Variants in THSD7B observed in about 807,000 individuals in gnomAD.
The protein encoded by THSD7B is thrombospondin type 1 domain containing 7B, also known as thrombospondin type-1 domain-containing protein 7B.
Under a neutral mutation model 213.6 loss-of-function variants are expected in THSD7B, and 138 were observed. The ratio of observed to expected loss-of-function variants is 0.65; its 90% CI spans 0.56 to 0.74. THSD7B has a LOEUF of 0.74. THSD7B is among the 30% of genes least tolerant of loss of function. The pLI, the probability that THSD7B is intolerant of heterozygous loss-of-function variation, is 0.00. For missense variants in THSD7B, 1,931 were observed against 1,991.5 expected (o/e 0.97, Z 0.58); for synonymous variants, 742 against 687.0 (o/e 1.08, Z -1.25).
At chr2:136,766,524 C>G (rs1010713823) in intron 1 of THSD7B, among the ~76,000 whole-genome samples, 22 of 145,998 alleles carry the variant, frequency 1.5e-4, no homozygotes, top group African/African-American at 4.9e-4. Context: ...GAACCCCGCT[C>G]TTTGGTGACC....
At position 137,657,031 on chromosome 2, in the gene THSD7B, G is replaced by C. The variant is rs1392087165; in HGVS notation, c.4280-34G>C. ...GATCAATGCTTATTCTAAGTGAGGTGTAATAGAACTGCTATTATCATATTT... is the reference window on the plus strand; with the variant it reads ...GATCAATGCTTATTCTAAGTGAGGTCTAATAGAACTGCTATTATCATATTT... On this transcript the variant is annotated intron_variant, in intron 23 of 27. Coordinates refer to ENST00000409968, the MANE Select transcript of THSD7B (RefSeq NM_001316349.2). 1.9e-6 allele frequency: 3 copies of C among 1,613,170 alleles called. No homozygotes were observed. The South Asian group carries it at 3.3e-5, about 18-fold the overall frequency.
chr2:136,854,399 T>A (rs1311176064), intron 1 of THSD7B, among the ~76,000 whole-genome samples: 5 of 152,254 alleles, frequency 3.3e-5, no homozygotes, highest in South Asian at 2.1e-4. Flanking sequence ...GCTCTTATTA[T>A]CTTTCATAGA....
At position 137,342,886 on chromosome 2, in the gene THSD7B, G is replaced by A. The variant is rs1449025851; in HGVS notation, c.2501-62727G>A. On this transcript the variant is annotated intron_variant, in intron 12 of 27. Transcript: ENST00000409968. Reference sequence around the variant, plus strand: ...CTTGTATCCCAGGGCTAAATCCCAGGTAGTAATGGTGGATGGTCTTTTTAA... The same window carrying A: ...CTTGTATCCCAGGGCTAAATCCCAGATAGTAATGGTGGATGGTCTTTTTAA... 2.0e-5 allele frequency among the ~76,000 whole-genome samples: 3 copies of A among 151,572 alleles called. No individual in the cohort carries two copies. In the Admixed American group the frequency reaches 2.0e-4, roughly 10 times the overall value.
chr2:137,354,402 T>C (rs1021993108), intron 12 of THSD7B, among the ~76,000 whole-genome samples: 2 of 152,096 alleles, frequency 1.3e-5, no homozygotes, highest in Non-Finnish European at 2.9e-5. Flanking sequence ...CCTATAGGTA[T>C]ACTGTCGGAA....
intron 10 of THSD7B, among the ~76,000 whole-genome samples, chr2:137,268,310 C>T (rs1406109612): frequency 3.3e-5 from 5 of 151,446 alleles, no homozygotes; most frequent in Non-Finnish European, 5.9e-5. Flanking sequence ...CCCAGGCCCC[C>T]ACCCCCCAAC....
rs369021135 is a variant in THSD7B, at chr2:137,374,036, C to G, written c.2501-31577C>G. 5.5e-4 allele frequency among the ~76,000 whole-genome samples: 84 copies of G among 152,136 alleles called. 1 individual carries two copies. Among genetic ancestry groups the G allele is most frequent in the African/African-American group, 9.4e-4 (39 of 41,496 alleles). On this transcript the variant is annotated intron_variant, in intron 12 of 27. Transcript: ENST00000409968. ...ATATGCGGTGTTATTTCTGAGGGCT[C>G]TGTTCTGTTCCATTGATCTATATCT... is the stretch of plus-strand genomic sequence containing the variant.
At chr2:137,314,763 G>T (rs571763465) in intron 12 of THSD7B, among the ~76,000 whole-genome samples, 1 of 152,274 alleles carries the variant, frequency 6.6e-6, no homozygotes, top group Admixed American at 6.5e-5. Context: ...GGAGTACTCG[G>T]CCTTGTGAGG....
chr2:137,090,775 G>A (rs775242434), intron 3 of THSD7B, among the ~76,000 whole-genome samples: 11 of 152,146 alleles, frequency 7.2e-5, no homozygotes, highest in Non-Finnish European at 1.3e-4. Flanking sequence ...GTGGATTTTA[G>A]TTTGTAAGGT....
intron 2 of THSD7B, among the ~76,000 whole-genome samples, chr2:137,043,752 G>A (rs189396565): frequency 5.2e-4 from 79 of 152,254 alleles, no homozygotes; most frequent in African/African-American, 1.9e-3. Context: ...ATGAGCATGG[G>A]CCACTGATGA....
chr2:137,235,140 C>T (rs1324676034), intron 9 of THSD7B, among the ~76,000 whole-genome samples: 1 of 152,058 alleles, frequency 6.6e-6, no homozygotes, highest in Non-Finnish European at 1.5e-5. Context: ...AAAGGTGTTA[C>T]GCAGACATGA....
intron 9 of THSD7B, among the ~76,000 whole-genome samples, chr2:137,234,910 G>T (rs923995828): frequency 3.3e-5 from 5 of 152,026 alleles, no homozygotes; most frequent in African/African-American, 1.2e-4. Context: ...TACTGTTTTT[G>T]CTCTAGAACC....
Position 137,095,073 on chromosome 2 carries a change from A to C in THSD7B, c.1151A>C (p.Glu384Ala), listed in dbSNP as rs1558918818. The C allele has an allele frequency of 6.2e-7, 1 of 1,613,870 alleles. No individual in the cohort carries two copies. Among genetic ancestry groups the C allele is most frequent in the Admixed American group, 1.7e-5 (1 of 59,948 alleles). ...GGAAAGGAGTGTCCTGAACTTCTTG[A>C]GAAAGAGGCCTGCATTGTTGAAGGA... The part of the protein sequence containing the change: ...GGGKECPELL[E>A]KEACIVEGEL... The change falls in exon 4 of 28, where the codon GAG becomes GCG. Residue 384 changes from glutamate to alanine, a missense_variant. Coordinates refer to ENST00000409968, the MANE Select transcript of THSD7B (RefSeq NM_001316349.2).
intron 6 of THSD7B, among the ~76,000 whole-genome samples, chr2:137,161,160 G>A (rs1680011777): frequency 6.6e-6 from 1 of 151,888 alleles, no homozygotes; most frequent in Non-Finnish European, 1.5e-5. Context: ...ATTTTTGTAG[G>A]CCTCTATGGT....
chr2:137,328,095 G>A (rs1340999920), intron 12 of THSD7B, among the ~76,000 whole-genome samples: 1 of 152,160 alleles, frequency 6.6e-6, no homozygotes, highest in Non-Finnish European at 1.5e-5. Context: ...TCCTTTACAA[G>A]GGGGACATAG....
At chr2:137,011,897 A>G (rs1447304820) in intron 2 of THSD7B, among the ~76,000 whole-genome samples, 1 of 152,172 alleles carries the variant, frequency 6.6e-6, no homozygotes, top group African/African-American at 2.4e-5. Context: ...AAAGGATTGC[A>G]TTTTATTATC....
At chr2:137,659,518 C>A in intron 24 of THSD7B, 146 bp from the exon 25 acceptor site, 2 of 687,382 alleles carry the variant, frequency 2.9e-6, no homozygotes, top group Non-Finnish European at 2.4e-6. Flanking sequence ...ATAAAATAGG[C>A]TTGGACCACA....
At chr2:136,955,821 T>G (rs948832809) in intron 2 of THSD7B, among the ~76,000 whole-genome samples, 5 of 152,044 alleles carry the variant, frequency 3.3e-5, no homozygotes, top group Non-Finnish European at 5.9e-5. Flanking sequence ...ACCTGGCTAA[T>G]TTTTTGTATT....
At chr2:137,293,275 A>G (rs59344890) in intron 12 of THSD7B, among the ~76,000 whole-genome samples, 7,713 of 151,912 alleles carry the variant, frequency 0.051, 470 homozygotes, top group African/African-American at 0.14. Context: ...AGTAGCTGGG[A>G]TGACAGGTGC....
At chr2:136,933,642 T>C (rs190464756) in intron 2 of THSD7B, among the ~76,000 whole-genome samples, 1 of 152,094 alleles carries the variant, frequency 6.6e-6, no homozygotes, top group Admixed American at 6.6e-5. Context: ...GGCTTTTTTT[T>C]ATTATTGATA....
Sources: gnomAD v4.1 joint callset for allele counts (sites outside exome capture counted in the v4.1 genomes callset) on GRCh38, gnomAD v4.1.1 for gene constraint, MANE v1.5 for transcripts, NCBI Gene and HGNC (gene_info 2026-07-23, HGNC 2026-07-21) for gene names.